The following PTPRD variants were observed in gnomAD, a reference collection of about 807,000 sequenced individuals.
The protein encoded by PTPRD is receptor-type tyrosine-protein phosphatase delta.
In PTPRD, 34 loss-of-function variants were observed where a neutral mutation model predicts 214.5. That is an observed-to-expected ratio of 0.16 (90% CI 0.12 to 0.21). The LOEUF is 0.21. Ranked by LOEUF, PTPRD falls within the 10% of genes least tolerant of loss-of-function variation. The pLI, the probability that PTPRD is intolerant of heterozygous loss-of-function variation, is 1.00. For missense variants in PTPRD, 2,545 were observed against 2,398.7 expected (o/e 1.06, Z -1.27); for synonymous variants, 1,128 against 845.7 (o/e 1.33, Z -5.79).
At chr9:8,558,090 G>A (rs2084703920) in intron 14 of PTPRD, among the ~76,000 whole-genome samples, 1 of 152,122 alleles carries the variant, frequency 6.6e-6, no homozygotes, top group South Asian at 2.1e-4. Flanking sequence ...ATAATGATGT[G>A]TGTCAGACAA....
At chr9:8,872,741 T>C (rs367789046) in intron 11 of PTPRD, among the ~76,000 whole-genome samples, 200 of 152,312 alleles carry the variant, frequency 1.3e-3, no homozygotes, top group African/African-American at 4.6e-3. Flanking sequence ...AAAAACCATC[T>C]AGGGACAGTC....
intron 5 of PTPRD, among the ~76,000 whole-genome samples, chr9:9,812,211 G>A (rs1421629176): frequency 6.6e-6 from 1 of 151,968 alleles, no homozygotes; most frequent in Non-Finnish European, 1.5e-5. Context: ...TATATTTATG[G>A]GAAACCAAAA....
chr9:8,743,124 G>T (rs1301656643), intron 11 of PTPRD, among the ~76,000 whole-genome samples: 2 of 143,758 alleles, frequency 1.4e-5, no homozygotes, highest in African/African-American at 2.5e-5. Context: ...AGGGGGGGGG[G>T]ACTTTTAAGA....
chr9:9,275,174 A>ATGTTATATATATAT (rs1491381199), intron 9 of PTPRD, among the ~76,000 whole-genome samples: 1 of 28,966 alleles, frequency 3.5e-5, no homozygotes, highest in African/African-American at 1.7e-4. Flanking sequence ...ACATATATAT[A>ATGTTATATATATAT]ATATATATGT....
At chr9:9,132,343 A>C in intron 10 of PTPRD, among the ~76,000 whole-genome samples, 1 of 152,128 alleles carries the variant, frequency 6.6e-6, no homozygotes, top group East Asian at 1.9e-4. Context: ...AATTTTCCTA[A>C]ATCTTGCATG....
chr9:9,643,020 T>C (rs1337525061), intron 7 of PTPRD, among the ~76,000 whole-genome samples: 1 of 152,178 alleles, frequency 6.6e-6, no homozygotes, highest in Non-Finnish European at 1.5e-5. Context: ...ACAAGAATTA[T>C]AGAAAAGCTT....
intron 10 of PTPRD, among the ~76,000 whole-genome samples, chr9:9,039,533 C>A (rs772619967): frequency 5.3e-5 from 8 of 152,162 alleles, no homozygotes; most frequent in South Asian, 4.1e-4. Context: ...GGAACACAAC[C>A]ATTGCCATTT....
chr9:10,505,041 C>G lies in PTPRD; in HGVS notation c.-600+107357G>C, dbSNP rs376339468. On this transcript the variant is annotated intron_variant, in intron 2 of 45. Coordinates refer to ENST00000381196, the MANE Select transcript of PTPRD (RefSeq NM_002839.4). Reference sequence around the variant, plus strand: ...AATCTTAATGCAAGAGCTGTCATAGCCAGAGATTCTAGGATACCATCAGAA... The same window carrying G: ...AATCTTAATGCAAGAGCTGTCATAGGCAGAGATTCTAGGATACCATCAGAA... Among the ~76,000 whole-genome samples, 3 of 152,090 alleles carry G rather than the reference C, an allele frequency of 2.0e-5. No homozygotes were observed. In the East Asian group the frequency reaches 5.8e-4, roughly 29 times the overall value.
At chr9:9,038,430 T>C (rs324519) in intron 10 of PTPRD, among the ~76,000 whole-genome samples, 94,448 of 151,900 alleles carry the variant, frequency 0.62, 29,728 homozygotes, top group Admixed American at 0.7. Context: ...CAGAGGCTGA[T>C]AATACTGAAC....
intron 2 of PTPRD, among the ~76,000 whole-genome samples, chr9:10,351,412 T>C (rs1385820726): frequency 6.6e-6 from 1 of 152,040 alleles, no homozygotes; most frequent in Non-Finnish European, 1.5e-5. Context: ...TGATTAAGAG[T>C]CACATACACA....
intron 11 of PTPRD, among the ~76,000 whole-genome samples, chr9:8,749,552 G>T (rs7039134): frequency 1.3e-3 from 194 of 152,168 alleles, no homozygotes; most frequent in African/African-American, 4.5e-3. Context: ...TATTTTACTA[G>T]TCTGTCCACC....
At chr9:8,432,609 G>T (rs1446835994) in intron 35 of PTPRD, among the ~76,000 whole-genome samples, 4 of 152,298 alleles carry the variant, frequency 2.6e-5, no homozygotes, top group African/African-American at 9.6e-5. Flanking sequence ...AGCAATGTGA[G>T]TTTTCTTTCC....
chr9:10,452,974 C>G (rs908761104), intron 2 of PTPRD, among the ~76,000 whole-genome samples: 3 of 151,322 alleles, frequency 2.0e-5, no homozygotes, highest in African/African-American at 7.3e-5. Flanking sequence ...ATTTAGAGAT[C>G]CTTAATCCAT....
intron 3 of PTPRD, among the ~76,000 whole-genome samples, chr9:10,043,680 A>G (rs2097337076): frequency 6.6e-6 from 1 of 152,004 alleles, no homozygotes; most frequent in East Asian, 1.9e-4. Context: ...AAAGATCAAA[A>G]TGATATAAAG....
At chr9:8,831,444 A>T (rs557802687) in intron 11 of PTPRD, among the ~76,000 whole-genome samples, 1 of 152,300 alleles carries the variant, frequency 6.6e-6, no homozygotes, top group Admixed American at 6.5e-5. Context: ...TCTACATACA[A>T]TTAAATACAT....
At chr9:8,474,984 A>T (rs2096735009) in intron 30 of PTPRD, among the ~76,000 whole-genome samples, 1 of 152,120 alleles carries the variant, frequency 6.6e-6, no homozygotes, top group African/African-American at 2.4e-5. Context: ...TGATCCCATC[A>T]CTTAGGTTTC....
intron 4 of PTPRD, among the ~76,000 whole-genome samples, chr9:9,949,046 G>C: frequency 6.6e-6 from 1 of 152,000 alleles, no homozygotes; most frequent in East Asian, 1.9e-4. Context: ...GAGAAAACAA[G>C]ATGTAGAGCA....
intron 5 of PTPRD, among the ~76,000 whole-genome samples, chr9:9,834,082 A>G (rs956097556): frequency 1.3e-5 from 2 of 152,070 alleles, no homozygotes; most frequent in African/African-American, 4.8e-5. Flanking sequence ...AATCTTTACA[A>G]TTTATGTTTA....
At chr9:10,355,199 G>C (rs537276166) in intron 2 of PTPRD, among the ~76,000 whole-genome samples, 1 of 151,864 alleles carries the variant, frequency 6.6e-6, no homozygotes, top group African/African-American at 2.4e-5. Flanking sequence ...ATTAAGAAAC[G>C]TATGAGGCAA....
Sources: allele counts gnomAD v4.1 joint callset (sites outside exome capture counted in the v4.1 genomes callset), GRCh38; gene constraint gnomAD v4.1.1; transcripts MANE v1.5; gene names NCBI Gene and HGNC (gene_info 2026-07-23, HGNC 2026-07-21).